Variants in BUB1B observed in about 807,000 individuals in gnomAD.
BUB1B encodes BUB1 mitotic checkpoint serine/threonine kinase B.
BUB1B carries 86 observed loss-of-function variants against 137.7 expected under a neutral mutation model. The ratio of observed to expected loss-of-function variants is 0.62; its 90% CI spans 0.52 to 0.75. The LOEUF is 0.75. Among genes scored for constraint, BUB1B ranks in the 30% least tolerant of loss-of-function variants. The probability of loss-of-function intolerance (pLI) is 0.00; values close to 1 mark genes in which losing one functional copy is unlikely to be tolerated. For missense variants in BUB1B, 1,130 were observed against 1,236.9 expected, an observed-to-expected ratio of 0.91 and a Z score of 1.30; for synonymous variants, 420 against 417.9, an observed-to-expected ratio of 1.00 and a Z score of -0.06.
At chr15:40,207,289 G>A (rs1297989138) in intron 15 of BUB1B, among the ~76,000 whole-genome samples, 1 of 152,124 alleles carries the variant, frequency 6.6e-6, no homozygotes, top group Admixed American at 6.5e-5. Context: ...TTTGTAATTG[G>A]CAAATTTTTG....
At chr15:40,218,623 TGC>T in intron 22 of BUB1B, 61 bp downstream of exon 22, 1 of 1,234,920 alleles carries the variant, frequency 8.1e-7, no homozygotes, top group South Asian at 1.2e-5. Flanking sequence ...TTCTCTTGGG[TGC>T]TATCTCTGCT....
chr15:40,203,321 T>A (rs1168556457), intron 14 of BUB1B, among the ~76,000 whole-genome samples: 1 of 150,294 alleles, frequency 6.7e-6, no homozygotes, highest in Non-Finnish European at 1.5e-5. Flanking sequence ...TACTATATGA[T>A]CTAATTTTCA....
intron 11 of BUB1B, among the ~76,000 whole-genome samples, chr15:40,200,628 C>CCATTAACA (rs1486462993): frequency 6.6e-6 from 1 of 152,148 alleles, no homozygotes; most frequent in Non-Finnish European, 1.5e-5. Flanking sequence ...GAGATGATTA[C>CCATTAACA]CATTAACACT....
chr15:40,206,185 A>C lies in BUB1B; in HGVS notation c.1736A>C (p.Asp579Ala). The C allele has an allele frequency of 2.5e-6, 4 of 1,614,108 alleles. No homozygotes were observed. In the South Asian group the frequency reaches 4.4e-5, roughly 18 times the overall value. ...AACTTTATATGGTCTTTATTTCAGG[A>C]TGAATTTACAGGAATTGAACCCTTG... Reference protein sequence around the residue: ...SNEDVSPDVCDEFTGIEPLSE... With the variant: ...SNEDVSPDVCAEFTGIEPLSE... The change falls in exon 15 of 23, where the codon GAT becomes GCT. Residue 579 changes from aspartate (D) to alanine (A), a missense_variant and splice_region_variant. Physicochemically the swap from Asp to Ala is moderately radical, Grantham distance 126. Transcript: ENST00000287598.
In BUB1B at chr15:40,202,593, C is replaced by G; in HGVS notation, c.1633C>G (p.Pro545Ala). The G allele has an allele frequency of 6.2e-7, 1 of 1,613,886 alleles. No individual in the cohort carries two copies. Residue 545 changes from proline to alanine, a missense_variant, in exon 14 of 23, where the codon CCT (proline) becomes GCT (alanine). Coordinates refer to ENST00000287598, the MANE Select transcript of BUB1B (RefSeq NM_001211.6). ...GTGAGGTATGTCTTTTTCCAGTCCTCCTGCAGATCCCCCACGAGTTTTAGC... is the reference window on the plus strand; with the variant it reads ...GTGAGGTATGTCTTTTTCCAGTCCTGCTGCAGATCCCCCACGAGTTTTAGC... ...LLSEKKNKSP[P>A]ADPPRVLAQR...
At chr15:40,173,610 T>G (rs540209823) in intron 4 of BUB1B, among the ~76,000 whole-genome samples, 107 of 152,318 alleles carry the variant, frequency 7.0e-4, no homozygotes, top group Non-Finnish European at 1.4e-3. Flanking sequence ...ACATCATCAT[T>G]CTTTGAGTAA....
rs958423041 is a variant in BUB1B at position 40,208,501 on chromosome 15, G to C, written c.2010-136G>C. On this transcript the variant is annotated intron_variant, in intron 15 of 22. Coordinates refer to ENST00000287598, the MANE Select transcript of BUB1B (RefSeq NM_001211.6). ...TGCAGTGAGCCAAGATCATGCAGTTGTGCTCCAGCCTGGGTGACAAGAGCA... is the reference window on the plus strand; with the variant it reads ...TGCAGTGAGCCAAGATCATGCAGTTCTGCTCCAGCCTGGGTGACAAGAGCA... 3.7e-6 allele frequency: 3 copies of C among 819,882 alleles called. No individual in the cohort carries two copies. The Admixed American group carries it at 6.8e-5, about 18-fold the overall frequency. 50.8% of individuals were successfully genotyped at this position (819,882 alleles called of 1,614,324 possible).
chr15:40,212,691 A>G, intron 19 of BUB1B, 43 bp downstream of exon 19: 2 of 1,577,340 alleles, frequency 1.3e-6, no homozygotes, highest in Non-Finnish European at 1.7e-6. Context: ...TGAAGTAGAG[A>G]GATTTGTGCT....
In BUB1B at chr15:40,212,661, A is replaced by T; in HGVS notation, c.2535+13A>T. On this transcript the variant is annotated intron_variant, in intron 19 of 22. Coordinates refer to ENST00000287598, the MANE Select transcript of BUB1B (RefSeq NM_001211.6). ...CTTCACCCTTCAGGTCTGTAATACT[A>T]AAAACATAATTTAAAGTCCTGAAGT... 1 of 1,610,282 alleles carries T rather than the reference A, an allele frequency of 6.2e-7. No individual in the cohort carries two copies. Among genetic ancestry groups the T allele is most frequent in the South Asian group, 1.1e-5 (1 of 90,892 alleles).
chr15:40,210,096 A>G lies in BUB1B; in HGVS notation c.2285-14A>G, dbSNP rs1482526926. The G allele has an allele frequency of 1.9e-6, 3 of 1,580,006 alleles. No homozygotes were observed. The highest frequency in any genetic ancestry group is 2.7e-5 in the African/African-American group (2 of 74,108). On this transcript the variant is annotated splice_polypyrimidine_tract_variant and intron_variant, in intron 17 of 22. Transcript: ENST00000287598. ...TCACAGTGATTTTTAAATGGAATCA[A>G]ACTTTCTCAACAGGTAATGAGGATT... is the stretch of plus-strand genomic sequence containing the variant.
chr15:40,168,367 C>CA (rs1255586048), intron 2 of BUB1B, among the ~76,000 whole-genome samples: 140 of 140,108 alleles, frequency 1.0e-3, no homozygotes, highest in African/African-American at 3.1e-3. Flanking sequence ...AATTCCGTCT[C>CA]AAAAAAAAAA....
chr15:40,198,302 C>G (rs1236142402), intron 9 of BUB1B, among the ~76,000 whole-genome samples: 1 of 151,254 alleles, frequency 6.6e-6, no homozygotes, highest in Non-Finnish European at 1.5e-5. Flanking sequence ...GTCTCAAACT[C>G]CTGGGCTCAA....
rs2037727238 is a variant in BUB1B at position 40,212,540 on chromosome 15, C to G, written c.2427C>G (p.Leu809=). Residue 809 remains leucine (L), a synonymous_variant, in exon 19 of 23, where the codon CTC becomes CTG. Coordinates refer to ENST00000287598, the MANE Select transcript of BUB1B (RefSeq NM_001211.6). ...TCCCATGGGACTTTTATATCAACCT[C>G]AAGTTAAAGGAACGTTTAAATGAAG... ...QPVPWDFYIN[L]KLKERLNEDF... 1 of 1,612,912 alleles carries G rather than the reference C, an allele frequency of 6.2e-7. No individual in the cohort carries two copies. The highest frequency in any genetic ancestry group is 8.5e-7 in the Non-Finnish European group (1 of 1,179,236).
intron 8 of BUB1B, among the ~76,000 whole-genome samples, chr15:40,188,119 C>T (rs1422803882): frequency 6.6e-6 from 1 of 152,146 alleles, no homozygotes; most frequent in Non-Finnish European, 1.5e-5. Context: ...GCAATCTTGG[C>T]TCACTGCAAC....
intron 9 of BUB1B, 133 bp from the exon 10 acceptor site, chr15:40,199,482 G>T: frequency 1.4e-6 from 1 of 708,888 alleles, no homozygotes; most frequent in Non-Finnish European, 2.6e-6. Context: ...CACAAGTTGA[G>T]GACCTTATTC....
intron 5 of BUB1B, among the ~76,000 whole-genome samples, chr15:40,180,125 C>A (rs566221431): frequency 6.6e-6 from 1 of 151,570 alleles, no homozygotes; most frequent in East Asian, 1.9e-4. Flanking sequence ...TAGCCACTTT[C>A]TTTTAGAGCA....
At chr15:40,181,759 A>ATT (rs1272393401) in intron 5 of BUB1B, among the ~76,000 whole-genome samples, 4 of 152,082 alleles carry the variant, frequency 2.6e-5, no homozygotes, top group Admixed American at 2.0e-4. Context: ...TTCAACATAA[A>ATT]TTTTTTATTT....
intron 1 of BUB1B, among the ~76,000 whole-genome samples, chr15:40,161,558 T>C (rs2037043097): frequency 1.3e-5 from 2 of 152,234 alleles, no homozygotes. Context: ...ACCTGCTAGT[T>C]GTTTGACCTT....
At position 40,183,898 on chromosome 15, in the gene BUB1B, C is replaced by A; in HGVS notation, c.751+15C>A. 6.2e-7 allele frequency: 1 copy of A among 1,613,070 alleles called. No individual in the cohort carries two copies. The highest frequency in any genetic ancestry group is 8.5e-7 in the Non-Finnish European group (1 of 1,179,408). On this transcript the variant is annotated intron_variant, in intron 6 of 22. Transcript: ENST00000287598. ...TGCTCTCAAGGGTAAGTTTGTTAAACGTTATTTCGGAAAACTGTTAGTTTC... is the reference window on the plus strand; with the variant it reads ...TGCTCTCAAGGGTAAGTTTGTTAAAAGTTATTTCGGAAAACTGTTAGTTTC...
Sources: allele counts gnomAD v4.1 joint callset (sites outside exome capture counted in the v4.1 genomes callset), GRCh38; gene constraint gnomAD v4.1.1; transcripts MANE v1.5; gene names NCBI Gene and HGNC (gene_info 2026-07-23, HGNC 2026-07-21).